ITPR1: variants seen among roughly 807,000 people sequenced by gnomAD.
ITPR1 encodes inositol 1,4,5-trisphosphate receptor type 1.
A neutral mutation model predicts 318.4 loss-of-function variants in ITPR1; 96 were observed. The observed-to-expected ratio is 0.30, with a 90% CI of 0.26 to 0.36. ITPR1 has a LOEUF of 0.36. Among genes scored for constraint, ITPR1 ranks in the 10% least tolerant of loss-of-function variants. The pLI, the probability that ITPR1 is intolerant of heterozygous loss-of-function variation, is 1.00. For missense variants in ITPR1, 2,440 were observed against 3,460.2 expected (o/e 0.71, Z 7.40); for synonymous variants, 1,312 against 1,289.9 (o/e 1.02, Z -0.37).
At chr3:4,519,042 G>A (rs1481378501) in intron 3 of ITPR1, among the ~76,000 whole-genome samples, 3 of 152,068 alleles carry the variant, frequency 2.0e-5, no homozygotes, top group East Asian at 1.9e-4. Context: ...CATCCCCCTC[G>A]TTAAGAATCC....
At chr3:4,719,661 C>T (rs2042008372) in intron 40 of ITPR1, among the ~76,000 whole-genome samples, 1 of 152,164 alleles carries the variant, frequency 6.6e-6, no homozygotes, top group African/African-American at 2.4e-5. Context: ...ACTTGATGTG[C>T]AATTAATGAC....
At chr3:4,811,859 C>A (rs992194557) in intron 56 of ITPR1, among the ~76,000 whole-genome samples, 7 of 152,142 alleles carry the variant, frequency 4.6e-5, no homozygotes, top group Non-Finnish European at 4.4e-5. Context: ...GGAGAACGTT[C>A]GCTGCAGTGT....
chr3:4,625,615 GGTGT>G (rs2092798532), intron 4 of ITPR1, among the ~76,000 whole-genome samples: 2 of 152,098 alleles, frequency 1.3e-5, no homozygotes, highest in Admixed American at 1.3e-4. Context: ...GGAGTGCAGT[GGTGT>G]GATCTCGGCT....
rs181187981 is a variant in ITPR1, at chr3:4,670,127, G to T, written c.2006+354G>T. The stretch of plus-strand genomic sequence containing the variant: ...AATATTCAGTGTTAAGATTAAGTCA[G>T]TGTTGGGAGGAGTTTTAAATTATTA... On this transcript the variant is annotated intron_variant, in intron 19 of 61. Transcript: ENST00000649015. 2.0e-3 allele frequency among the ~76,000 whole-genome samples: 312 copies of T among 152,326 alleles called. 1 individual carries two copies. Among genetic ancestry groups the T allele is most frequent in the Middle Eastern group, 0.017 (5 of 294 alleles).
At position 4,679,575 on chromosome 3, in the gene ITPR1, A is replaced by G. The variant is rs528378877; in HGVS notation, c.2968-978A>G. Among the ~76,000 whole-genome samples the G allele has an allele frequency of 7.2e-5, 11 of 152,266 alleles. No homozygotes were observed. In the East Asian group the frequency reaches 2.1e-3, roughly 29 times the overall value. On this transcript the variant is annotated intron_variant, in intron 24 of 61. Transcript: ENST00000649015. ...TCTATCCAGGCCCTCCGTGGATTGG[A>G]TGGTGCCCACTCACACTGGGTGAGA...
intron 4 of ITPR1, among the ~76,000 whole-genome samples, chr3:4,563,759 C>T (rs529145078): frequency 6.6e-6 from 1 of 152,172 alleles, no homozygotes; most frequent in East Asian, 1.9e-4. Context: ...ACTCCACAGA[C>T]CAGTGTGCTT....
intron 30 of ITPR1, among the ~76,000 whole-genome samples, chr3:4,686,262 C>T (rs1158801815): frequency 6.6e-6 from 1 of 152,184 alleles, no homozygotes; most frequent in Non-Finnish European, 1.5e-5. Flanking sequence ...AGGAAATTTC[C>T]TATGAAAGGA....
rs185447182 is a variant in ITPR1 at position 4,824,001 on chromosome 3, T to C, written c.8028+5759T>C. Among the ~76,000 whole-genome samples the C allele has an allele frequency of 2.6e-5, 4 of 152,352 alleles. No individual in the cohort carries two copies. In the East Asian group the frequency reaches 7.7e-4, roughly 29 times the overall value. On this transcript the variant is annotated intron_variant, in intron 60 of 61. Coordinates refer to ENST00000649015, the MANE Select transcript of ITPR1 (RefSeq NM_001378452.1). Reference sequence around the variant, plus strand: ...GGTGTGTTTTTGAGTGAATTGCATATAAAGACGGCCTGATCAGATAGAACA... The same window carrying C: ...GGTGTGTTTTTGAGTGAATTGCATACAAAGACGGCCTGATCAGATAGAACA...
intron 60 of ITPR1, among the ~76,000 whole-genome samples, chr3:4,825,154 T>C (rs535301881): frequency 6.6e-6 from 1 of 152,286 alleles, no homozygotes; most frequent in South Asian, 2.1e-4. Flanking sequence ...ACAGTGGGGG[T>C]AGACACCTCC....
At chr3:4,679,323 C>T (rs987422449) in intron 24 of ITPR1, among the ~76,000 whole-genome samples, 8 of 152,194 alleles carry the variant, frequency 5.3e-5, no homozygotes, top group Admixed American at 2.0e-4. Flanking sequence ...ATTGGCCTCA[C>T]GCAGTTACGG....
chr3:4,684,807 T>A (rs1369240994), intron 29 of ITPR1, among the ~76,000 whole-genome samples: 1 of 152,182 alleles, frequency 6.6e-6, no homozygotes. Context: ...TGATGCCAGG[T>A]CATTCCATTT....
intron 61 of ITPR1, among the ~76,000 whole-genome samples, chr3:4,838,770 G>C (rs2051116520): frequency 6.6e-6 from 1 of 152,094 alleles, no homozygotes; most frequent in Non-Finnish European, 1.5e-5. Context: ...GCTCTTTGGG[G>C]GTATGTTTCA....
At chr3:4,748,761 A>C (rs988791753) in intron 44 of ITPR1, among the ~76,000 whole-genome samples, 4 of 152,226 alleles carry the variant, frequency 2.6e-5, no homozygotes, top group African/African-American at 9.6e-5. Flanking sequence ...CCCAAGTGTT[A>C]AGAGAACGCG....
chr3:4,515,662 A>G (rs1360222205), intron 2 of ITPR1, among the ~76,000 whole-genome samples: 1 of 152,064 alleles, frequency 6.6e-6, no homozygotes, highest in Non-Finnish European at 1.5e-5. Context: ...GTTGATATTT[A>G]TGTGTGTGTA....
chr3:4,840,574 C>G (rs2051271047), intron 61 of ITPR1, among the ~76,000 whole-genome samples: 1 of 152,038 alleles, frequency 6.6e-6, no homozygotes, highest in Non-Finnish European at 1.5e-5. Flanking sequence ...TGTTATTTAC[C>G]TCTTTGATTG....
At chr3:4,664,965 C>T (rs139363232) in intron 16 of ITPR1, among the ~76,000 whole-genome samples, 173 bp from the exon 17 acceptor site, 6 of 152,264 alleles carry the variant, frequency 3.9e-5, no homozygotes, top group Non-Finnish European at 7.4e-5. Context: ...TAATTCAGCG[C>T]GTCTCCCATC....
intron 2 of ITPR1, among the ~76,000 whole-genome samples, chr3:4,507,605 T>G (rs2081486589): frequency 6.6e-6 from 1 of 152,230 alleles, no homozygotes; most frequent in African/African-American, 2.4e-5. Flanking sequence ...CTTTTTCTTA[T>G]GAGCAAGATT....
Position 4,627,712 on chromosome 3 carries a change from A to G in ITPR1, c.164-51A>G, listed in dbSNP as rs374995790. ...AAGCCTTTTTTTTTTCCTTAGGCTGAGTCTCTATACACCCTCAATGGCAAT... is the reference window on the plus strand; with the variant it reads ...AAGCCTTTTTTTTTTCCTTAGGCTGGGTCTCTATACACCCTCAATGGCAAT... On this transcript the variant is annotated intron_variant, in intron 4 of 61. Transcript: ENST00000649015. The G allele has an allele frequency of 7.7e-6, 8 of 1,041,562 alleles. No homozygotes were observed. The African/African-American group carries it at 1.3e-4, about 16-fold the overall frequency. 64.5% of individuals were successfully genotyped at this position (1,041,562 alleles called of 1,614,324 possible).
chr3:4,553,313 G>C (rs1005430500), intron 4 of ITPR1, among the ~76,000 whole-genome samples: 4 of 152,166 alleles, frequency 2.6e-5, no homozygotes, highest in Non-Finnish European at 5.9e-5. Flanking sequence ...GCAGACTCCA[G>C]CTATGATTTT....
Sources: allele counts gnomAD v4.1 joint callset (sites outside exome capture counted in the v4.1 genomes callset), GRCh38; gene constraint gnomAD v4.1.1; transcripts MANE v1.5; gene names NCBI Gene and HGNC (gene_info 2026-07-23, HGNC 2026-07-21).